Variants in PRUNE2 observed in about 807,000 individuals in gnomAD.
PRUNE2 encodes the protein prune homolog 2 with BCH domain, also known as protein prune homolog 2.
Under a neutral mutation model 252.0 loss-of-function variants are expected in PRUNE2, and 164 were observed. The ratio of observed to expected loss-of-function variants is 0.65; its 90% CI spans 0.57 to 0.74. The LOEUF (loss-of-function observed/expected upper bound fraction) is 0.74, where lower values mean the gene tolerates loss of function less well. Ranked by LOEUF, PRUNE2 falls within the 30% of genes least tolerant of loss-of-function variation. The pLI is 0.00. For missense variants in PRUNE2, 3,495 were observed against 3,711.0 expected (o/e 0.94, Z 1.51); for synonymous variants, 1,292 against 1,350.2 (o/e 0.96, Z 0.94).
chr9:76,794,968 A>C (rs2055942028), intron 6 of PRUNE2, among the ~76,000 whole-genome samples: 2 of 152,152 alleles, frequency 1.3e-5, no homozygotes, highest in African/African-American at 4.8e-5. Flanking sequence ...AGAAGGAAAA[A>C]ATACCCTCCA....
chr9:76,762,985 T>G (rs2051900704), intron 6 of PRUNE2, among the ~76,000 whole-genome samples: 2 of 152,198 alleles, frequency 1.3e-5, no homozygotes, highest in South Asian at 4.1e-4. Flanking sequence ...CCAACCTCAT[T>G]GAATGGTTGC....
intron 1 of PRUNE2, among the ~76,000 whole-genome samples, chr9:76,902,633 C>T (rs539968139): frequency 4.6e-5 from 7 of 152,134 alleles, no homozygotes; most frequent in Non-Finnish European, 7.4e-5. Flanking sequence ...ATGTGTCATT[C>T]CTTGTTTGTC....
At chr9:76,647,738 G>A (rs1845539442) in intron 11 of PRUNE2, among the ~76,000 whole-genome samples, 1 of 152,184 alleles carries the variant, frequency 6.6e-6, no homozygotes, top group Non-Finnish European at 1.5e-5. Context: ...GCTGAGGTGG[G>A]TGGATCACGA....
At chr9:76,731,637 T>C (rs2048619022) in intron 6 of PRUNE2, among the ~76,000 whole-genome samples, 1 of 152,160 alleles carries the variant, frequency 6.6e-6, no homozygotes, top group Admixed American at 6.5e-5. Flanking sequence ...AATAAATATA[T>C]TTTTTAAACT....
intron 9 of PRUNE2, among the ~76,000 whole-genome samples, chr9:76,676,268 A>AG (rs1165084006): frequency 1.2e-5 from 1 of 81,208 alleles, no homozygotes; most frequent in Non-Finnish European, 3.5e-5. Context: ...TCTTCCACTC[A>AG]AATTTTTTTT....
intron 4 of PRUNE2, among the ~76,000 whole-genome samples, chr9:76,835,286 G>C (rs773029101): frequency 4.6e-5 from 7 of 151,984 alleles, no homozygotes; most frequent in Non-Finnish European, 7.4e-5. Context: ...CAGAAAAGAA[G>C]GGTCTTAAAT....
chr9:76,705,064 G>A lies in PRUNE2; in HGVS notation c.7210C>T (p.Pro2404Ser), dbSNP rs1298081506. ...TCTATTGTTTCAGCACTCTGGGCAG[G>A]TTCTGTGAGATAAGACAAATCAAAG... ...PPFDLSYLTE[P>S]AQSAETIEEA... Residue 2404 changes from proline to serine, a missense_variant, in exon 8 of 19, where the codon CCT becomes TCT. Transcript: ENST00000376718. 1 of 1,613,898 alleles carries A rather than the reference G, an allele frequency of 6.2e-7. No individual in the cohort carries two copies. The highest frequency in any genetic ancestry group is 1.3e-5 in the African/African-American group (1 of 74,926).
chr9:76,656,222 G>C (rs561383015), intron 9 of PRUNE2, among the ~76,000 whole-genome samples: 5 of 152,168 alleles, frequency 3.3e-5, no homozygotes, highest in African/African-American at 1.2e-4. Context: ...CAATTGTGAC[G>C]AATCTATATG....
intron 11 of PRUNE2, chr9:76,645,147 A>G (rs896201689): frequency 4.7e-6 from 2 of 421,190 alleles, no homozygotes; most frequent in African/African-American, 4.0e-5. Flanking sequence ...GAACAACCAC[A>G]TCCATTGCTA....
chr9:76,860,984 C>T (rs928576502), intron 1 of PRUNE2, among the ~76,000 whole-genome samples: 5 of 152,108 alleles, frequency 3.3e-5, no homozygotes, highest in South Asian at 2.1e-4. Flanking sequence ...GTGGCTGCCA[C>T]GATTCTAAGT....
rs1000054316 is a variant in PRUNE2 at position 76,625,395 on chromosome 9, T to C, written c.9150-905A>G. On this transcript the variant is annotated intron_variant, in intron 16 of 18. Transcript: ENST00000376718. ...ATAGCAGATAGCCTAGGTGGTGTAG[T>C]GGTCTCTACCATCGGGGTGGTTTGT... Among the ~76,000 whole-genome samples, 3 of 152,266 alleles carry C rather than the reference T, an allele frequency of 2.0e-5. No individual in the cohort carries two copies. In the East Asian group the frequency reaches 5.8e-4, roughly 29 times the overall value.
chr9:76,844,775 C>T (rs1457067555), intron 4 of PRUNE2, among the ~76,000 whole-genome samples: 1 of 152,070 alleles, frequency 6.6e-6, no homozygotes, highest in East Asian at 1.9e-4. Context: ...CTCTCACATT[C>T]CAGTTTCCAA....
chr9:76,767,321 C>G (rs2052518671), intron 6 of PRUNE2, among the ~76,000 whole-genome samples: 1 of 152,068 alleles, frequency 6.6e-6, no homozygotes, highest in African/African-American at 2.4e-5. Flanking sequence ...CATGGTGGCA[C>G]ACGCCTGTAA....
At chr9:76,857,467 G>A (rs559870889) in intron 1 of PRUNE2, among the ~76,000 whole-genome samples, 1 of 152,210 alleles carries the variant, frequency 6.6e-6, no homozygotes, top group East Asian at 1.9e-4. Context: ...CCAACCAGAA[G>A]GTACCTTTTG....
Position 76,644,923 on chromosome 9 carries a change from A to T in PRUNE2, c.8558-14T>A, listed in dbSNP as rs753766624. On this transcript the variant is annotated splice_polypyrimidine_tract_variant and intron_variant, in intron 11 of 18. Coordinates refer to ENST00000376718, the MANE Select transcript of PRUNE2 (RefSeq NM_015225.3). ...TGGCTGTGGGATCTTCTGGAAACAA[A>T]GCACAGAGCAAGGCTGAAGGAGCAA... is the stretch of plus-strand genomic sequence containing the variant. The T allele has an allele frequency of 1.2e-6, 2 of 1,611,052 alleles. No individual in the cohort carries two copies. Among genetic ancestry groups the T allele is most frequent in the Non-Finnish European group, 1.7e-6 (2 of 1,178,424 alleles).
At chr9:76,773,110 C>G (rs1371568562) in intron 6 of PRUNE2, among the ~76,000 whole-genome samples, 1 of 152,196 alleles carries the variant, frequency 6.6e-6, no homozygotes, top group Non-Finnish European at 1.5e-5. Context: ...GCTTCCCCTA[C>G]TTTATATTAC....
At chr9:76,857,709 A>C (rs2060333045) in intron 1 of PRUNE2, among the ~76,000 whole-genome samples, 1 of 152,174 alleles carries the variant, frequency 6.6e-6, no homozygotes, top group Non-Finnish European at 1.5e-5. Flanking sequence ...CAGAGAATAC[A>C]GGGCCCACTC....
chr9:76,665,437 T>A (rs636207), intron 9 of PRUNE2, among the ~76,000 whole-genome samples: 140,641 of 151,612 alleles, frequency 0.93, 65,718 homozygotes, highest in Non-Finnish European at 0.99. Flanking sequence ...CCTCACCTCC[T>A]CCCCACAGAG....
intron 9 of PRUNE2, among the ~76,000 whole-genome samples, chr9:76,682,056 T>C (rs1431952538): frequency 6.6e-6 from 1 of 152,054 alleles, no homozygotes; most frequent in Non-Finnish European, 1.5e-5. Context: ...AAATGAGACC[T>C]CCCTGGAGAC....
Sources: allele counts gnomAD v4.1 joint callset (sites outside exome capture counted in the v4.1 genomes callset), GRCh38; gene constraint gnomAD v4.1.1; transcripts MANE v1.5; gene names NCBI Gene and HGNC (gene_info 2026-07-23, HGNC 2026-07-21).